Variants in KLHL1 observed in about 807,000 individuals in gnomAD.
KLHL1 encodes the protein kelch-like protein 1.
Under a neutral mutation model 77.7 loss-of-function variants are expected in KLHL1, and 47 were observed. The observed-to-expected ratio is 0.60, with a 90% CI of 0.48 to 0.77. KLHL1 has a LOEUF of 0.77. Ranked by LOEUF, KLHL1 falls within the 30% of genes least tolerant of loss-of-function variation. The pLI is 0.00. For synonymous variants in KLHL1, 360 were observed against 325.2 expected, an observed-to-expected ratio of 1.11 and a Z score of -1.15; for missense variants, 925 against 910.8, an observed-to-expected ratio of 1.02 and a Z score of -0.20.
chr13:69,932,275 A>G (rs1883026026), intron 4 of KLHL1, among the ~76,000 whole-genome samples: 1 of 151,298 alleles, frequency 6.6e-6, no homozygotes, highest in African/African-American at 2.4e-5. Flanking sequence ...AAATTATTAT[A>G]AAGGGGGATT....
intron 7 of KLHL1, among the ~76,000 whole-genome samples, chr13:69,776,135 G>A (rs376864873): frequency 3.3e-5 from 5 of 151,562 alleles, no homozygotes; most frequent in African/African-American, 9.7e-5. Context: ...CAGCCTGGGC[G>A]ACAGAGTGAG....
rs1045723270 is a variant in KLHL1 at position 69,761,501 on chromosome 13, A to C, written c.1640-20945T>G. On this transcript the variant is annotated intron_variant, in intron 7 of 10. Transcript: ENST00000377844. ...AACTTAGGCTAAATTTGATGTAAGG[A>C]GGCAGATTTGGGATAAACTTCATTT... Among the ~76,000 whole-genome samples, 49 of 152,174 alleles carry C rather than the reference A, an allele frequency of 3.2e-4. 1 individual carries two copies. The highest frequency in any genetic ancestry group is 9.6e-4 in the African/African-American group (40 of 41,456).
At chr13:69,863,802 C>T (rs1880264581) in intron 5 of KLHL1, among the ~76,000 whole-genome samples, 1 of 152,022 alleles carries the variant, frequency 6.6e-6, no homozygotes, top group Non-Finnish European at 1.5e-5. Context: ...ATTCCAACAT[C>T]TTGCATTCAT....
intron 4 of KLHL1, among the ~76,000 whole-genome samples, chr13:69,931,831 G>A (rs1665879470): frequency 6.6e-6 from 1 of 151,644 alleles, no homozygotes; most frequent in Non-Finnish European, 1.5e-5. Context: ...TATGTTACCT[G>A]TTAAAAAGTT....
intron 3 of KLHL1, among the ~76,000 whole-genome samples, chr13:69,948,012 A>G (rs967222128): frequency 6.6e-6 from 1 of 152,162 alleles, no homozygotes; most frequent in Non-Finnish European, 1.5e-5. Flanking sequence ...AAACTGGCTT[A>G]AAAATACATG....
At chr13:69,934,992 A>C in intron 4 of KLHL1, among the ~76,000 whole-genome samples, 1 of 139,406 alleles carries the variant, frequency 7.2e-6, no homozygotes, top group African/African-American at 2.8e-5. Flanking sequence ...ATATATATGT[A>C]TATATATACA....
At chr13:69,789,954 A>C (rs1876787442) in intron 7 of KLHL1, among the ~76,000 whole-genome samples, 1 of 152,102 alleles carries the variant, frequency 6.6e-6, no homozygotes, top group Non-Finnish European at 1.5e-5. Flanking sequence ...ACGCCAGCTG[A>C]AGCATCCAGC....
intron 6 of KLHL1, among the ~76,000 whole-genome samples, chr13:69,820,890 G>A (rs974955661): frequency 6.6e-6 from 1 of 152,146 alleles, no homozygotes; most frequent in Non-Finnish European, 1.5e-5. Flanking sequence ...TACAGTAGAG[G>A]TTTATTTTCT....
chr13:69,812,149 T>C (rs1471568927), intron 6 of KLHL1, among the ~76,000 whole-genome samples: 3 of 152,184 alleles, frequency 2.0e-5, no homozygotes, highest in Admixed American at 6.5e-5. Flanking sequence ...TCTGCCTTCA[T>C]TTCGTTATGT....
intron 4 of KLHL1, among the ~76,000 whole-genome samples, chr13:69,927,494 G>A (rs1207848664): frequency 1.3e-5 from 2 of 151,896 alleles, no homozygotes; most frequent in East Asian, 3.9e-4. Context: ...TTTAAGAAAA[G>A]GTTTGCAAAT....
chr13:69,958,938 T>C (rs940573966), intron 3 of KLHL1, among the ~76,000 whole-genome samples: 1 of 152,048 alleles, frequency 6.6e-6, no homozygotes, highest in Non-Finnish European at 1.5e-5. Context: ...TCACTTGTTC[T>C]TTTCTATTGT....
chr13:70,040,694 G>T (rs1338043634), intron 1 of KLHL1, among the ~76,000 whole-genome samples: 1 of 151,986 alleles, frequency 6.6e-6, no homozygotes, highest in East Asian at 1.9e-4. Context: ...TTTGGATTTT[G>T]GGGGGGTTAT....
At chr13:69,889,102 A>G (rs1201928507) in intron 4 of KLHL1, among the ~76,000 whole-genome samples, 2 of 152,012 alleles carry the variant, frequency 1.3e-5, no homozygotes, top group South Asian at 2.1e-4. Flanking sequence ...CTAAAAATGC[A>G]GAGTTGAGAA....
At chr13:70,012,737 C>A (rs963002315) in intron 1 of KLHL1, among the ~76,000 whole-genome samples, 7 of 151,692 alleles carry the variant, frequency 4.6e-5, no homozygotes, top group African/African-American at 1.7e-4. Flanking sequence ...GGTGAAACCC[C>A]GTCTCTACTA....
chr13:69,726,512 T>C (rs1873302611), intron 8 of KLHL1, among the ~76,000 whole-genome samples: 1 of 151,036 alleles, frequency 6.6e-6, no homozygotes, highest in Admixed American at 6.6e-5. Context: ...TTCTTTCTAG[T>C]TGCTAAGAAA....
intron 1 of KLHL1, among the ~76,000 whole-genome samples, chr13:70,057,713 TTG>T (rs1886779571): frequency 7.1e-6 from 1 of 141,656 alleles, no homozygotes; most frequent in African/African-American, 2.6e-5. Flanking sequence ...GAAGCGGAGC[TTG>T]CAGTGAGCCG....
At chr13:69,779,718 A>C (rs1448861655) in intron 7 of KLHL1, among the ~76,000 whole-genome samples, 1 of 152,042 alleles carries the variant, frequency 6.6e-6, no homozygotes, top group Non-Finnish European at 1.5e-5. Flanking sequence ...CTGTGCAGTC[A>C]ATATTTATGC....
At chr13:69,949,214 C>A (rs1022461617) in intron 3 of KLHL1, among the ~76,000 whole-genome samples, 1 of 149,960 alleles carries the variant, frequency 6.7e-6, no homozygotes, top group African/African-American at 2.4e-5. Flanking sequence ...TTTTTCTTTT[C>A]TTACCTAATG....
intron 1 of KLHL1, among the ~76,000 whole-genome samples, chr13:70,034,943 T>C (rs1886201878): frequency 6.6e-6 from 1 of 152,172 alleles, no homozygotes; most frequent in African/African-American, 2.4e-5. Context: ...GAAAAGAGTG[T>C]CCTTCACAAA....
Sources: gnomAD v4.1 joint callset for allele counts (sites outside exome capture counted in the v4.1 genomes callset) on GRCh38, gnomAD v4.1.1 for gene constraint, MANE v1.5 for transcripts, NCBI Gene and HGNC (gene_info 2026-07-23, HGNC 2026-07-21) for gene names.